Variants in MTR observed in about 807,000 individuals in gnomAD.
The protein encoded by MTR is 5-methyltetrahydrofolate-homocysteine methyltransferase.
Under a neutral mutation model 154.8 loss-of-function variants are expected in MTR, and 84 were observed. That is an observed-to-expected ratio of 0.54 (90% CI 0.45 to 0.65). The LOEUF is 0.65. Among genes scored for constraint, MTR ranks in the 30% least tolerant of loss-of-function variants. The probability of loss-of-function intolerance (pLI) is 0.00; values close to 1 mark genes in which losing one functional copy is unlikely to be tolerated. For missense variants in MTR, 1,275 were observed against 1,570.2 expected (o/e 0.81, Z 3.18); for synonymous variants, 554 against 553.9 (o/e 1.00, Z 0.00).
intron 15 of MTR, among the ~76,000 whole-genome samples, chr1:236,841,073 A>G (rs1251300725): frequency 6.6e-6 from 1 of 152,170 alleles, no homozygotes; most frequent in Non-Finnish European, 1.5e-5. Flanking sequence ...AGCCTTCTAG[A>G]TCCTGAGGCA....
chr1:236,810,865 AAAAT>A (rs1168506925), intron 5 of MTR, among the ~76,000 whole-genome samples: 2 of 152,226 alleles, frequency 1.3e-5, no homozygotes, highest in African/African-American at 2.4e-5. Flanking sequence ...AAAACCAACT[AAAAT>A]AAAGCTGTAA....
At chr1:236,895,273 T>G in intron 30 of MTR, 85 bp from the exon 31 acceptor site, 1 of 1,432,634 alleles carries the variant, frequency 7.0e-7, no homozygotes, top group Non-Finnish European at 9.6e-7. Flanking sequence ...GGTGTCCTCA[T>G]GGTTCTAATT....
At chr1:236,865,606 A>G (rs866517994) in intron 22 of MTR, among the ~76,000 whole-genome samples, 1 of 152,188 alleles carries the variant, frequency 6.6e-6, no homozygotes, top group Non-Finnish European at 1.5e-5. Flanking sequence ...AAAGAGGGCT[A>G]AAACTGACAG....
intron 14 of MTR, among the ~76,000 whole-genome samples, chr1:236,836,958 C>G (rs528649000): frequency 6.6e-6 from 1 of 152,262 alleles, no homozygotes; most frequent in African/African-American, 2.4e-5. Flanking sequence ...TGTAAAGATG[C>G]AAGTGCTTTA....
At chr1:236,836,948 T>A (rs780319407) in intron 14 of MTR, among the ~76,000 whole-genome samples, 10 of 152,230 alleles carry the variant, frequency 6.6e-5, no homozygotes, top group Non-Finnish European at 1.5e-4. Flanking sequence ...CTTTGTGAAT[T>A]GTAAAGATGC....
In MTR at chr1:236,835,699, T is replaced by G. The variant is rs1438778670; in HGVS notation, c.1329+12T>G. The G allele has an allele frequency of 6.2e-7, 1 of 1,613,056 alleles. No homozygotes were observed. The highest frequency in any genetic ancestry group is 8.5e-7 in the Non-Finnish European group (1 of 1,179,850). ...CAGACATCGCAAAGGTTATACAAAGTTTATGTTTATCAGGGGGATTTACTT... is the reference window on the plus strand; with the variant it reads ...CAGACATCGCAAAGGTTATACAAAGGTTATGTTTATCAGGGGGATTTACTT... On this transcript the variant is annotated intron_variant, in intron 14 of 32. Transcript: ENST00000366577.
rs1186987171 is a variant in MTR at position 236,795,810 on chromosome 1, G to A, written c.34+73G>A. 4 of 1,609,646 alleles carry A rather than the reference G, an allele frequency of 2.5e-6. No individual in the cohort carries two copies. The African/African-American group carries it at 5.3e-5, about 22-fold the overall frequency. On this transcript the variant is annotated intron_variant, in intron 1 of 32. Coordinates refer to ENST00000366577, the MANE Select transcript of MTR (RefSeq NM_000254.3). ...GTGCTGTGGCCTCCTAATCCCTGGG[G>A]CGATTCCCTTCTGCGGCGGGAGACG...
intron 11 of MTR, 21 bp downstream of exon 11, chr1:236,826,917 A>G (rs1337262036): frequency 6.2e-7 from 1 of 1,600,382 alleles, no homozygotes; most frequent in Non-Finnish European, 8.6e-7. Flanking sequence ...CCTATAGACA[A>G]TATATCTAAA....
At position 236,815,591 on chromosome 1, in the gene MTR, T is replaced by G; in HGVS notation, c.610-13T>G. The G allele has an allele frequency of 6.2e-7, 1 of 1,613,890 alleles. No individual in the cohort carries two copies. Among genetic ancestry groups the G allele is most frequent in the Non-Finnish European group, 8.5e-7 (1 of 1,179,822 alleles). On this transcript the variant is annotated splice_polypyrimidine_tract_variant and intron_variant, in intron 6 of 32. Transcript: ENST00000366577. ...CTCAGAAATAAAGACGTTCTTTCTT[T>G]TTTCCCTGACAGGCAGCCTTGTTTG...
chr1:236,812,921 T>A, intron 6 of MTR, 77 bp downstream of exon 6: 1 of 1,071,228 alleles, frequency 9.3e-7, no homozygotes. Context: ...GAGAAGATAA[T>A]ATTAGCCATT....
chr1:236,876,610 A>G (rs748820315), intron 24 of MTR, among the ~76,000 whole-genome samples: 3 of 152,248 alleles, frequency 2.0e-5, no homozygotes, highest in Non-Finnish European at 4.4e-5. Context: ...GAATCTTTTT[A>G]TATGGTGGGA....
rs1666874644 is a variant in MTR at position 236,900,555 on chromosome 1, A to G, written c.*2911A>G. 1 of 152,858 alleles carries G rather than the reference A, an allele frequency of 6.5e-6. No individual in the cohort carries two copies. The highest frequency in any genetic ancestry group is 2.4e-5 in the African/African-American group (1 of 41,460). 9.5% of individuals were successfully genotyped at this position (152,858 alleles called of 1,614,324 possible). A position where few individuals can be genotyped will look rare whatever the true frequency, so the allele number is the denominator to read the frequency against. On this transcript the variant is annotated 3_prime_UTR_variant, in exon 33 of 33. Coordinates refer to ENST00000366577, the MANE Select transcript of MTR (RefSeq NM_000254.3). Reference sequence around the variant, plus strand: ...CCTGGTAGGCTTACAAGTGTTTACTATATGCTATTAATACATTATACTTTA... The same window carrying G: ...CCTGGTAGGCTTACAAGTGTTTACTGTATGCTATTAATACATTATACTTTA...
chr1:236,800,258 T>TAC (rs1660633373), intron 1 of MTR: 1 of 985,300 alleles, frequency 1.0e-6, no homozygotes, highest in African/African-American at 1.7e-5. Flanking sequence ...CCAAAGGACA[T>TAC]ACTTCACTGT....
At chr1:236,850,728 A>G (rs1475926656) in intron 16 of MTR, among the ~76,000 whole-genome samples, 1 of 152,138 alleles carries the variant, frequency 6.6e-6, no homozygotes, top group Non-Finnish European at 1.5e-5. Flanking sequence ...GGAGAACATA[A>G]CAGAGCCTGA....
chr1:236,824,325 G>T lies in MTR; in HGVS notation c.865+106G>T, dbSNP rs914669864. The T allele has an allele frequency of 2.8e-5, 28 of 1,001,044 alleles. No individual in the cohort carries two copies. In the African/African-American group the frequency reaches 3.0e-4, roughly 11 times the overall value. 62.0% of individuals were successfully genotyped at this position (1,001,044 alleles called of 1,614,324 possible). On this transcript the variant is annotated intron_variant, in intron 9 of 32. Coordinates refer to ENST00000366577, the MANE Select transcript of MTR (RefSeq NM_000254.3). ...AAAAGATCTTGTTTTGCCGGTGTTG[G>T]TATAGTTGACACTTAATAAATGAAG... is the stretch of plus-strand genomic sequence containing the variant.
intron 1 of MTR, 52 bp from the exon 2 acceptor site, chr1:236,803,376 A>G (rs1173010261): frequency 6.5e-7 from 1 of 1,549,874 alleles, no homozygotes; most frequent in Admixed American, 1.7e-5. Context: ...CCTCCCTCAC[A>G]CATCTTTTTC....
rs1440455183 is a variant in MTR, at chr1:236,873,822, G to A, written c.2455G>A (p.Ala819Thr). The A allele has an allele frequency of 6.2e-7, 1 of 1,614,106 alleles. No individual in the cohort carries two copies. Among genetic ancestry groups the A allele is most frequent in the South Asian group, 1.1e-5 (1 of 91,090 alleles). ...TCCATGTGATAAGATACTGAAAGCT[G>A]CTCTTGACCACAAAGCAGGTACTGT... ...MTPCDKILKA[A>T]LDHKADIIGL... Residue 819 changes from alanine to threonine, a missense_variant, in exon 23 of 33, where the codon GCT becomes ACT. Ala to Thr is a moderately conservative substitution (Grantham distance 58). Transcript: ENST00000366577.
Position 236,889,246 on chromosome 1 carries a change from A to G in MTR, c.2917A>G (p.Ile973Val). The G allele has an allele frequency of 6.2e-7, 1 of 1,614,212 alleles. No individual in the cohort carries two copies. Among genetic ancestry groups the G allele is most frequent in the African/African-American group, 1.3e-5 (1 of 75,054 alleles). Residue 973 changes from isoleucine to valine, a missense_variant, in exon 28 of 33, where the codon ATT becomes GTT. By Grantham distance (29) the Ile-to-Val change is conservative. Coordinates refer to ENST00000366577, the MANE Select transcript of MTR (RefSeq NM_000254.3). ...TGACCTGCAGAAGCTGGTGGACTAC[A>G]TTGACTGGAAGCCTTTCTTTGATGT... ...DYDLQKLVDY[I>V]DWKPFFDVWQ...
At chr1:236,816,795 C>G (rs147197167) in intron 8 of MTR, among the ~76,000 whole-genome samples, 4 of 152,284 alleles carry the variant, frequency 2.6e-5, no homozygotes, top group Non-Finnish European at 5.9e-5. Flanking sequence ...TAGGCGTGCC[C>G]CTTATAGTTT....
Sources: allele counts gnomAD v4.1 joint callset (sites outside exome capture counted in the v4.1 genomes callset), GRCh38; gene constraint gnomAD v4.1.1; transcripts MANE v1.5; gene names NCBI Gene and HGNC (gene_info 2026-07-23, HGNC 2026-07-21).